The following EYA2 variants were observed in gnomAD, a reference collection of about 807,000 sequenced individuals.
EYA2 encodes EYA transcriptional coactivator and phosphatase 2.
EYA2 carries 31 observed loss-of-function variants against 69.2 expected under a neutral mutation model. The ratio of observed to expected loss-of-function variants is 0.45; its 90% confidence interval spans 0.34 to 0.60. EYA2 has a LOEUF of 0.60. Among genes scored for constraint, EYA2 ranks in the 20% least tolerant of loss-of-function variants. The pLI is 0.02. For synonymous variants in EYA2, 257 were observed against 279.4 expected, an observed-to-expected ratio of 0.92 and a Z score of 0.80; for missense variants, 622 against 701.2, an observed-to-expected ratio of 0.89 and a Z score of 1.28.
intron 9 of EYA2, among the ~76,000 whole-genome samples, chr20:47,117,247 T>A (rs1415314645): frequency 6.6e-6 from 1 of 152,168 alleles, no homozygotes; most frequent in African/African-American, 2.4e-5. Flanking sequence ...TGGCCTCAAA[T>A]GATCCGCCCG....
chr20:46,931,584 G>C (rs1251960760), intron 1 of EYA2, among the ~76,000 whole-genome samples: 1 of 152,204 alleles, frequency 6.6e-6, no homozygotes, highest in Non-Finnish European at 1.5e-5. Context: ...GTGCCTGGCA[G>C]ATAGAGACTC....
intron 1 of EYA2, among the ~76,000 whole-genome samples, chr20:46,925,287 G>A (rs1985365661): frequency 2.0e-5 from 3 of 152,170 alleles, no homozygotes; most frequent in Admixed American, 2.0e-4. Flanking sequence ...CATAGCAGAA[G>A]TTTACTCAAG....
chr20:46,899,943 C>T (rs1354249714), intron 1 of EYA2, among the ~76,000 whole-genome samples: 3 of 152,280 alleles, frequency 2.0e-5, no homozygotes, highest in Admixed American at 1.3e-4. Context: ...GGAACTTAGA[C>T]GCGCCGCAAT....
At chr20:47,128,543 T>A (rs1370396984) in intron 9 of EYA2, among the ~76,000 whole-genome samples, 1 of 151,380 alleles carries the variant, frequency 6.6e-6, no homozygotes, top group East Asian at 1.9e-4. Context: ...AAAAAAAAAA[T>A]CTGGTGGTTA....
At chr20:47,116,534 C>T (rs181914148) in intron 9 of EYA2, among the ~76,000 whole-genome samples, 2 of 152,176 alleles carry the variant, frequency 1.3e-5, no homozygotes, top group Admixed American at 6.5e-5. Flanking sequence ...TTCTGTCAAT[C>T]TCCCCTCCCC....
At chr20:46,956,578 C>T (rs1979139576) in intron 1 of EYA2, among the ~76,000 whole-genome samples, 1 of 152,190 alleles carries the variant, frequency 6.6e-6, no homozygotes. Flanking sequence ...TATCCAAGGT[C>T]TTAATGGCCA....
intron 1 of EYA2, among the ~76,000 whole-genome samples, chr20:46,970,777 G>A (rs1456591287): frequency 6.6e-6 from 1 of 152,094 alleles, no homozygotes; most frequent in Non-Finnish European, 1.5e-5. Flanking sequence ...AAACACAACA[G>A]AGTTTTTGTT....
At chr20:47,007,720 ATCC>A (rs1375040916) in intron 4 of EYA2, among the ~76,000 whole-genome samples, 1 of 151,852 alleles carries the variant, frequency 6.6e-6, no homozygotes, top group Non-Finnish European at 1.5e-5. Flanking sequence ...GGCTCAAGCA[ATCC>A]TCCTCCCTCA....
intron 1 of EYA2, among the ~76,000 whole-genome samples, chr20:46,938,167 A>C (rs1197152232): frequency 2.0e-5 from 3 of 152,234 alleles, no homozygotes; most frequent in Admixed American, 2.0e-4. Flanking sequence ...GGAAAATTTC[A>C]AACCTACAGA....
chr20:47,110,004 C>T (rs1326059475), intron 9 of EYA2, among the ~76,000 whole-genome samples: 1 of 152,210 alleles, frequency 6.6e-6, no homozygotes, highest in Non-Finnish European at 1.5e-5. Context: ...GGAGGACACT[C>T]AGGCTTCCTC....
At chr20:46,965,366 A>G (rs977893968) in intron 1 of EYA2, among the ~76,000 whole-genome samples, 2 of 152,142 alleles carry the variant, frequency 1.3e-5, no homozygotes, top group Admixed American at 6.5e-5. Context: ...CCTTCTCTCC[A>G]TGTCTGCCCA....
intron 8 of EYA2, among the ~76,000 whole-genome samples, chr20:47,094,061 C>A (rs962695314): frequency 3.9e-5 from 6 of 152,174 alleles, no homozygotes; most frequent in Admixed American, 3.9e-4. Context: ...CTGGTCTGCA[C>A]CATGATGGCC....
At chr20:47,081,383 A>G (rs1257429612) in intron 7 of EYA2, among the ~76,000 whole-genome samples, 1 of 152,182 alleles carries the variant, frequency 6.6e-6, no homozygotes, top group Non-Finnish European at 1.5e-5. Context: ...GCCATCCCCA[A>G]TATATACATA....
intron 1 of EYA2, among the ~76,000 whole-genome samples, chr20:46,970,680 A>C (rs1390396194): frequency 2.6e-5 from 4 of 152,218 alleles, no homozygotes; most frequent in Non-Finnish European, 4.4e-5. Context: ...GTGGAATACT[A>C]TGCAGACATT....
rs529122760 is a variant in EYA2, at chr20:47,068,007, C to T, written c.416-4178C>T. 3.9e-5 allele frequency among the ~76,000 whole-genome samples: 6 copies of T among 152,278 alleles called. No individual in the cohort carries two copies. In the East Asian group the frequency reaches 1.2e-3, roughly 29 times the overall value. On this transcript the variant is annotated intron_variant, in intron 5 of 15. Transcript: ENST00000327619. ...ATCTGCTGTCATTCCTATTCTTTTT[C>T]CCTTATTCTGGCACATTTTGTTTGA... is the stretch of plus-strand genomic sequence containing the variant.
intron 10 of EYA2, among the ~76,000 whole-genome samples, chr20:47,148,027 C>CCG (rs199689859): frequency 2.1e-4 from 29 of 138,528 alleles, no homozygotes; most frequent in Admixed American, 2.4e-4. Flanking sequence ...CCACTGTACT[C>CCG]CAGCCTGGGC....
intron 3 of EYA2, among the ~76,000 whole-genome samples, chr20:47,003,834 C>A (rs1982526175): frequency 6.6e-6 from 1 of 152,350 alleles, no homozygotes; most frequent in South Asian, 2.1e-4. Context: ...CAGACTCCTT[C>A]ATTTAAGCTC....
intron 1 of EYA2, among the ~76,000 whole-genome samples, chr20:46,933,390 G>T (rs1432018467): frequency 6.6e-6 from 1 of 152,134 alleles, no homozygotes; most frequent in African/African-American, 2.4e-5. Context: ...GGATCGGCTG[G>T]CCACACTTCC....
At chr20:47,020,068 A>G (rs1406079163) in intron 5 of EYA2, among the ~76,000 whole-genome samples, 1 of 151,978 alleles carries the variant, frequency 6.6e-6, no homozygotes, top group Non-Finnish European at 1.5e-5. Context: ...CCAGGAGTTC[A>G]AGGTTGCAGT....
Sources: allele counts gnomAD v4.1 joint callset (sites outside exome capture counted in the v4.1 genomes callset), GRCh38; gene constraint gnomAD v4.1.1; transcripts MANE v1.5; gene names NCBI Gene and HGNC (gene_info 2026-07-23, HGNC 2026-07-21).